The following CRACD variants were observed in gnomAD, a reference collection of about 807,000 sequenced individuals.
CRACD encodes the protein capping protein inhibiting regulator of actin dynamics, also known as capping protein-inhibiting regulator of actin dynamics.
Under a neutral mutation model 106.8 loss-of-function variants are expected in CRACD, and 56 were observed. The observed-to-expected ratio is 0.52, with a 90% confidence interval of 0.42 to 0.66. The LOEUF is 0.66. CRACD is among the 30% of genes least tolerant of loss of function. The pLI, the probability that CRACD is intolerant of heterozygous loss-of-function variation, is 0.00. For missense variants in CRACD, 1,730 were observed against 1,623.2 expected (o/e 1.07, Z -1.13); for synonymous variants, 754 against 670.8 (o/e 1.12, Z -1.92).
chr4:56,168,408 A>G (rs1030422410), intron 1 of CRACD, among the ~76,000 whole-genome samples: 1 of 152,064 alleles, frequency 6.6e-6, no homozygotes, highest in African/African-American at 2.4e-5. Flanking sequence ...GACATAATAT[A>G]TTATCCTTTT....
intron 1 of CRACD, among the ~76,000 whole-genome samples, chr4:56,134,342 T>C (rs1317657157): frequency 6.6e-6 from 1 of 152,178 alleles, no homozygotes; most frequent in Non-Finnish European, 1.5e-5. Context: ...TTAAAATGTA[T>C]TATCAGTGGT....
At chr4:56,083,802 C>T (rs911577801) in intron 1 of CRACD, among the ~76,000 whole-genome samples, 1 of 151,860 alleles carries the variant, frequency 6.6e-6, no homozygotes, top group Non-Finnish European at 1.5e-5. Flanking sequence ...ATTGAGAAAC[C>T]CCATCTCTAC....
chr4:56,301,275 AT>A (rs1744352606), intron 4 of CRACD: 2 of 1,267,474 alleles, frequency 1.6e-6, no homozygotes, highest in Non-Finnish European at 2.1e-6. Context: ...TAGTAACTTT[AT>A]TAACTTGCAT....
chr4:56,126,463 A>T (rs1272362546), intron 1 of CRACD, among the ~76,000 whole-genome samples: 2 of 152,160 alleles, frequency 1.3e-5, no homozygotes, highest in African/African-American at 4.8e-5. Context: ...AATGAACTGT[A>T]TTTTTAGTTT....
chr4:56,132,168 C>T (rs936670319), intron 1 of CRACD, among the ~76,000 whole-genome samples: 4 of 152,080 alleles, frequency 2.6e-5, no homozygotes, highest in African/African-American at 4.8e-5. Flanking sequence ...CTCAGCCTCT[C>T]GAGTAGCTGA....
chr4:56,174,686 A>G (rs1259588766), intron 1 of CRACD, among the ~76,000 whole-genome samples: 1 of 152,140 alleles, frequency 6.6e-6, no homozygotes, highest in Non-Finnish European at 1.5e-5. Context: ...TCATCTGTTG[A>G]TGGACACTTA....
chr4:56,186,822 T>C (rs1221757625), intron 2 of CRACD, among the ~76,000 whole-genome samples: 3 of 152,094 alleles, frequency 2.0e-5, no homozygotes, highest in African/African-American at 7.2e-5. Flanking sequence ...AGCACTTTGG[T>C]AGGCCATGGC....
chr4:56,245,093 G>A (rs1488246829), intron 2 of CRACD, among the ~76,000 whole-genome samples: 1 of 152,186 alleles, frequency 6.6e-6, no homozygotes, highest in Non-Finnish European at 1.5e-5. Flanking sequence ...CTACAAGAAA[G>A]CTGCCTTCAT....
rs551813992 is a variant in CRACD, at chr4:56,324,728, A to G, written c.3541+462A>G. Among the ~76,000 whole-genome samples the G allele has an allele frequency of 8.9e-4, 136 of 152,340 alleles. 1 individual carries two copies. Among genetic ancestry groups the G allele is most frequent in the African/African-American group, 3.2e-3 (134 of 41,580 alleles). Reference sequence around the variant, plus strand: ...TCTAAACAAGAGAAAAGACAAAATTATAGCAGGACTTGGGGTAAAGGGTGA... The same window carrying G: ...TCTAAACAAGAGAAAAGACAAAATTGTAGCAGGACTTGGGGTAAAGGGTGA... On this transcript the variant is annotated intron_variant, in intron 10 of 10. Transcript: ENST00000682029.
At chr4:56,077,742 G>A (rs558011932) in intron 1 of CRACD, among the ~76,000 whole-genome samples, 16 of 152,298 alleles carry the variant, frequency 1.1e-4, no homozygotes, top group African/African-American at 3.1e-4. Flanking sequence ...GGATATAAAG[G>A]TGAAGAAAGA....
intron 3 of CRACD, among the ~76,000 whole-genome samples, chr4:56,279,086 A>G (rs1742848637): frequency 6.6e-6 from 1 of 152,178 alleles, no homozygotes. Flanking sequence ...TTTAGTTCTG[A>G]TCCCATACCT....
chr4:56,279,931 G>T (rs921412419), intron 3 of CRACD, among the ~76,000 whole-genome samples: 1 of 151,786 alleles, frequency 6.6e-6, no homozygotes, highest in Non-Finnish European at 1.5e-5. Context: ...AAGAAAATGT[G>T]GCACATATAC....
intron 2 of CRACD, among the ~76,000 whole-genome samples, chr4:56,216,976 G>A (rs1738725602): frequency 8.6e-6 from 1 of 116,388 alleles, no homozygotes; most frequent in Non-Finnish European, 1.7e-5. Context: ...GACAGAGCGA[G>A]ACTCCGTCTC....
intron 2 of CRACD, among the ~76,000 whole-genome samples, chr4:56,180,489 A>AAAATAAAT (rs199914728): frequency 1.6e-3 from 239 of 146,332 alleles, no homozygotes; most frequent in Non-Finnish European, 2.2e-3. Context: ...ACTCCATCTC[A>AAAATAAAT]AAATAAATAA....
chr4:56,164,808 T>A (rs182640531), intron 1 of CRACD, among the ~76,000 whole-genome samples: 2 of 152,338 alleles, frequency 1.3e-5, no homozygotes, highest in African/African-American at 4.8e-5. Flanking sequence ...GTAAGCCTGA[T>A]CAAAACTGTT....
Position 56,298,306 on chromosome 4 carries a change from C to T in CRACD, c.77C>T (p.Ala26Val). Residue 26 changes from alanine (A) to valine (V), a missense_variant, in exon 4 of 11, where the codon GCA becomes GTA. Transcript: ENST00000682029. ...GGAESEQTVQ[A>V]MSQDNILGKV... ...GCAGAAAGTGAGCAGACAGTTCAAG[C>T]AATGTCACAGGACAACATCCTGGGC... 1 of 1,614,112 alleles carries T rather than the reference C, an allele frequency of 6.2e-7. No homozygotes were observed. The highest frequency in any genetic ancestry group is 8.5e-7 in the Non-Finnish European group (1 of 1,180,008).
At chr4:56,166,103 G>A (rs922830618) in intron 1 of CRACD, among the ~76,000 whole-genome samples, 4 of 152,066 alleles carry the variant, frequency 2.6e-5, no homozygotes, top group Non-Finnish European at 5.9e-5. Context: ...AGCCTCAAGC[G>A]ATCCTCCCTT....
chr4:56,138,293 G>A (rs576341958), intron 1 of CRACD, among the ~76,000 whole-genome samples: 1 of 152,074 alleles, frequency 6.6e-6, no homozygotes, highest in African/African-American at 2.4e-5. Flanking sequence ...GTGAAAACCT[G>A]TCTCTACTAA....
chr4:56,206,814 T>A (rs1014700394), intron 2 of CRACD, among the ~76,000 whole-genome samples: 1 of 152,194 alleles, frequency 6.6e-6, no homozygotes, highest in Non-Finnish European at 1.5e-5. Flanking sequence ...CTCTCATGTA[T>A]CATCATTTTG....
Sources: gnomAD v4.1 joint callset for allele counts (sites outside exome capture counted in the v4.1 genomes callset) on GRCh38, gnomAD v4.1.1 for gene constraint, MANE v1.5 for transcripts, NCBI Gene and HGNC (gene_info 2026-07-23, HGNC 2026-07-21) for gene names.